Variants in TRIM14 observed in about 807,000 individuals in gnomAD.
The protein encoded by TRIM14 is tripartite motif containing 14.
TRIM14 carries 28 observed loss-of-function variants against 44.5 expected under a neutral mutation model. The ratio of observed to expected loss-of-function variants is 0.63; its 90% CI spans 0.47 to 0.86. TRIM14 has a LOEUF of 0.86. TRIM14 is among the 40% of genes least tolerant of loss of function. The probability of loss-of-function intolerance (pLI) is 0.00; values close to 1 mark genes in which losing one functional copy is unlikely to be tolerated. For synonymous variants in TRIM14, 299 were observed against 269.2 expected, an observed-to-expected ratio of 1.11 and a Z score of -1.08; for missense variants, 607 against 611.1, an observed-to-expected ratio of 0.99 and a Z score of 0.07.
At position 98,119,098 on chromosome 9, in the gene TRIM14, C is replaced by T. The variant is rs963726912; in HGVS notation, c.91G>A (p.Val31Met). ...GWRCPEHGDR[V>M]AELFCRRCRR... ...CAGCGGCGACAGAAGAGCTCAGCCA[C>T]GCGGTCGCCATGCTCCGGGCAGCGC... The change falls in exon 1 of 6, where the codon GTG becomes ATG. Residue 31 changes from valine (V) to methionine (M), a missense_variant. Around this residue, in one of 3 missense-constraint regions of TRIM14, gnomAD observed 246 missense variants for 270.8 expected, o/e 0.91. Transcript: ENST00000341469. 1.3e-6 allele frequency: 2 copies of T among 1,587,050 alleles called. No homozygotes were observed. The highest frequency in any genetic ancestry group is 1.1e-5 in the South Asian group (1 of 89,648).
intron 4 of TRIM14, among the ~76,000 whole-genome samples, chr9:98,092,249 C>A (rs932272890): frequency 5.9e-5 from 9 of 152,062 alleles, no homozygotes; most frequent in Non-Finnish European, 1.2e-4. Context: ...GGATGGGCGG[C>A]GACTCAGGGA....
chr9:98,047,626 A>G, the TRIM14 span, among the ~76,000 whole-genome samples: 3 of 152,160 alleles, frequency 2.0e-5, no homozygotes, highest in African/African-American at 7.2e-5. Context: ...TGGGGGTACC[A>G]GAAGTTACTT....
chr9:98,108,689 G>A (rs758023152), intron 2 of TRIM14, among the ~76,000 whole-genome samples: 2 of 151,742 alleles, frequency 1.3e-5, no homozygotes, highest in Non-Finnish European at 2.9e-5. Context: ...ATTAAGCTGG[G>A]ACCACAGGTG....
the TRIM14 span, among the ~76,000 whole-genome samples, chr9:98,053,233 C>T: frequency 6.6e-6 from 1 of 152,190 alleles, no homozygotes; most frequent in African/African-American, 2.4e-5. Context: ...TTTGAGCTTG[C>T]GAAGGCTTTT....
downstream of TRIM14, among the ~76,000 whole-genome samples, chr9:98,084,012 G>A (rs777063275): frequency 1.3e-5 from 2 of 152,248 alleles, no homozygotes; most frequent in Non-Finnish European, 2.9e-5. Flanking sequence ...CCAGAAGGCT[G>A]CGTAAGGAAT....
At chr9:98,072,154 C>A (rs1273165594) in intron 6 of TRIM14, among the ~76,000 whole-genome samples, 1 of 152,170 alleles carries the variant, frequency 6.6e-6, no homozygotes, top group African/African-American at 2.4e-5. Context: ...CTTGGAGCCG[C>A]AGTGGCCCCC....
At chr9:98,061,737 G>A in the TRIM14 span, among the ~76,000 whole-genome samples, 100 of 149,070 alleles carry the variant, frequency 6.7e-4, no homozygotes, top group Admixed American at 1.2e-3. Context: ...CCGAGATCGC[G>A]CCACTGCACT....
At chr9:98,049,547 G>A in the TRIM14 span, among the ~76,000 whole-genome samples, 1 of 151,992 alleles carries the variant, frequency 6.6e-6, no homozygotes, top group African/African-American at 2.4e-5. Flanking sequence ...AACTTTCTAT[G>A]TTGCTATGAC....
chr9:98,055,173 C>T, the TRIM14 span, among the ~76,000 whole-genome samples: 21 of 152,180 alleles, frequency 1.4e-4, no homozygotes, highest in African/African-American at 4.8e-4. Context: ...GCATGCACCA[C>T]CATACCTGGC....
intron 2 of TRIM14, among the ~76,000 whole-genome samples, chr9:98,103,997 C>T (rs1826505070): frequency 1.3e-5 from 2 of 152,156 alleles, no homozygotes; most frequent in African/African-American, 4.8e-5. Flanking sequence ...TGTGGTTTGG[C>T]AGCAAACAGG....
intron 2 of TRIM14, among the ~76,000 whole-genome samples, chr9:98,106,396 GGTTGTTAACACT>G (rs1255946838): frequency 6.6e-6 from 1 of 152,212 alleles, no homozygotes; most frequent in Non-Finnish European, 1.5e-5. Flanking sequence ...ACAGGAGCCA[GGTTGTTAACACT>G]GAAGGAAGTG....
In TRIM14 at chr9:98,118,994, C is replaced by T. The variant is rs755163071; in HGVS notation, c.195G>A (p.Ala65=). The change falls in exon 1 of 6, where the codon GCG becomes GCA. Residue 65 remains alanine, a synonymous_variant. Transcript: ENST00000341469. Reference sequence around the variant, plus strand: ...CCATCGTCCCCACCTGCACGTGCACCGCTGCCTCCAGCGCCAGGCCCACAG... The same window carrying T: ...CCATCGTCCCCACCTGCACGTGCACTGCTGCCTCCAGCGCCAGGCCCACAG... ...GHPVGLALEA[A]VHVQKLSQEC... The T allele has an allele frequency of 6.4e-7, 1 of 1,551,404 alleles. No individual in the cohort carries two copies. The highest frequency in any genetic ancestry group is 1.2e-5 in the South Asian group (1 of 86,168).
Position 98,086,314 on chromosome 9 carries a change from C to G in TRIM14, c.*1156G>C, listed in dbSNP as rs1405466408. On this transcript the variant is annotated 3_prime_UTR_variant, in exon 6 of 6. Transcript: ENST00000341469. ...TGAACGGGGCACACGTCTGGCCCCC[C>G]TATATCACCCCGGGGTAACTTTACG... 3 of 152,234 alleles carry G rather than the reference C, an allele frequency of 2.0e-5. No homozygotes were observed. The highest frequency in any genetic ancestry group is 4.4e-5 in the Non-Finnish European group (3 of 68,068). 9.4% of individuals were successfully genotyped at this position (152,234 alleles called of 1,614,324 possible). A position where few individuals can be genotyped will look rare whatever the true frequency, so the allele number is the denominator to read the frequency against.
At chr9:98,064,730 A>T (rs906514596), downstream of TRIM14, among the ~76,000 whole-genome samples, 4 of 152,152 alleles carry the variant, frequency 2.6e-5, no homozygotes, top group African/African-American at 9.7e-5. Flanking sequence ...AGCAGATCTG[A>T]TGCCTAGAGC....
the TRIM14 span, among the ~76,000 whole-genome samples, chr9:98,052,291 C>A: frequency 0.32 from 49,085 of 151,236 alleles, 10,618 homozygotes; most frequent in African/African-American, 0.61. Flanking sequence ...TCATGTGGAC[C>A]TCAAGAATGG....
the TRIM14 span, chr9:98,056,955 C>T: frequency 6.4e-7 from 1 of 1,562,922 alleles, no homozygotes; most frequent in South Asian, 1.2e-5. Context: ...GGCGGCAGCT[C>T]CCGGGACCCG....
chr9:98,096,638 G>A (rs1826197059), intron 3 of TRIM14, among the ~76,000 whole-genome samples: 1 of 152,066 alleles, frequency 6.6e-6, no homozygotes, highest in Non-Finnish European at 1.5e-5. Context: ...CAGAAACCCA[G>A]GCATCATCTG....
intron 1 of TRIM14, among the ~76,000 whole-genome samples, chr9:98,112,628 G>A (rs530906900): frequency 5.3e-5 from 8 of 151,738 alleles, no homozygotes; most frequent in South Asian, 2.1e-4. Flanking sequence ...GAGAAACCCC[G>A]TCTCTACTAA....
At chr9:98,115,987 G>A (rs1827036892) in intron 1 of TRIM14, 1 of 151,732 alleles carries the variant, frequency 6.6e-6, no homozygotes, top group African/African-American at 2.4e-5. Context: ...GCAACATAGT[G>A]AGACCCCGCC....
Sources: allele counts gnomAD v4.1 joint callset (sites outside exome capture counted in the v4.1 genomes callset), GRCh38; gene constraint gnomAD v4.1.1; regional missense constraint gnomAD v4.1.1; transcripts MANE v1.5; gene names NCBI Gene and HGNC (gene_info 2026-07-23, HGNC 2026-07-21).